The following ROBO2 variants were observed in gnomAD, a reference collection of about 807,000 sequenced individuals.
The protein encoded by ROBO2 is roundabout homolog 2.
A neutral mutation model predicts 160.8 loss-of-function variants in ROBO2; 53 were observed. That is an observed-to-expected ratio of 0.33 (90% CI 0.26 to 0.41). ROBO2 has a LOEUF of 0.41. Among genes scored for constraint, ROBO2 ranks in the 10% least tolerant of loss-of-function variants. ROBO2 has a pLI of 1.00. For synonymous variants in ROBO2, 664 were observed against 611.7 expected (o/e 1.09, Z -1.26); for missense variants, 1,577 against 1,722.4 (o/e 0.92, Z 1.49).
chr3:77,597,307 A>ATAAG (rs1210000650), intron 19 of ROBO2, among the ~76,000 whole-genome samples: 24 of 115,972 alleles, frequency 2.1e-4, no homozygotes, highest in Middle Eastern at 5.1e-3. Flanking sequence ...AAATAAATAA[A>ATAAG]TAAATAAATA....
chr3:77,216,810 T>C (rs970580432), intron 2 of ROBO2, among the ~76,000 whole-genome samples: 5 of 152,242 alleles, frequency 3.3e-5, no homozygotes, highest in South Asian at 2.1e-4. Context: ...TACAAAATAT[T>C]ATTTTGTTTT....
intron 1 of ROBO2, among the ~76,000 whole-genome samples, chr3:75,917,992 A>G (rs1306954825): frequency 6.6e-6 from 1 of 151,984 alleles, no homozygotes; most frequent in African/African-American, 2.4e-5. Flanking sequence ...TTGCCTGTTC[A>G]CTCTGGTGAT....
At chr3:77,562,656 T>C in exon 10 of ROBO2, 1 of 1,611,568 alleles carries the variant, frequency 6.2e-7, no homozygotes, top group East Asian at 2.2e-5. Context: ...ACTAGATTTC[T>C]GATACTGGCA....
Position 76,157,810 on chromosome 3 carries a change from C to T in ROBO2, c.109+220208C>T, listed in dbSNP as rs76872653. ...TTGGTGAAGAATGCCTTGTTCCACT[C>T]TCATAGATTTAACTACCATTTCTAA... On this transcript the variant is annotated intron_variant, in intron 2 of 26. Coordinates refer to the ROBO2 transcript ENST00000487694. Among the ~76,000 whole-genome samples, 18 of 152,254 alleles carry T rather than the reference C, an allele frequency of 1.2e-4. No individual in the cohort carries two copies. In the East Asian group the frequency reaches 3.5e-3, roughly 29 times the overall value.
chr3:77,418,139 T>C (rs2077410551), intron 2 of ROBO2, among the ~76,000 whole-genome samples: 1 of 137,720 alleles, frequency 7.3e-6, no homozygotes, highest in Non-Finnish European at 1.6e-5. Flanking sequence ...CATCCTTATA[T>C]TTTTTTTACC....
At chr3:77,487,454 G>A (rs1427457235) in intron 4 of ROBO2, among the ~76,000 whole-genome samples, 2 of 152,106 alleles carry the variant, frequency 1.3e-5, no homozygotes, top group Non-Finnish European at 2.9e-5. Flanking sequence ...TTACTTCATA[G>A]GATGAATTTT....
chr3:76,765,639 T>C (rs13319762), intron 2 of ROBO2, among the ~76,000 whole-genome samples: 1,739 of 151,788 alleles, frequency 0.011, 29 homozygotes, highest in African/African-American at 0.039. Context: ...CATCTGTAAG[T>C]GCTCCACTTG....
At chr3:76,476,748 G>A (rs1161122334) in intron 2 of ROBO2, among the ~76,000 whole-genome samples, 3 of 151,966 alleles carry the variant, frequency 2.0e-5, no homozygotes, top group Non-Finnish European at 2.9e-5. Flanking sequence ...AATAAACTTC[G>A]GAAATGACCA....
chr3:76,736,852 T>G, intron 2 of ROBO2, among the ~76,000 whole-genome samples: 1 of 152,200 alleles, frequency 6.6e-6, no homozygotes, highest in East Asian at 1.9e-4. Flanking sequence ...AGTAAGAGTT[T>G]AAAACTTACT....
At chr3:76,014,717 C>T (rs114810414) in intron 2 of ROBO2, among the ~76,000 whole-genome samples, 90 of 152,238 alleles carry the variant, frequency 5.9e-4, no homozygotes, top group African/African-American at 2.1e-3. Flanking sequence ...CACTTTAGCC[C>T]AGAAGTTCAA....
intron 2 of ROBO2, among the ~76,000 whole-genome samples, chr3:76,868,676 T>C (rs903016574): frequency 1.3e-5 from 2 of 151,994 alleles, no homozygotes; most frequent in African/African-American, 4.8e-5. Context: ...GGATTAACAA[T>C]AACACAACAG....
chr3:77,531,141 A>T (rs2091694493), intron 6 of ROBO2, among the ~76,000 whole-genome samples: 1 of 152,030 alleles, frequency 6.6e-6, no homozygotes, highest in African/African-American at 2.4e-5. Flanking sequence ...CCTGGAGTAT[A>T]AAACTGAAAG....
intron 2 of ROBO2, among the ~76,000 whole-genome samples, chr3:76,926,041 T>C (rs2076970902): frequency 6.6e-6 from 1 of 152,200 alleles, no homozygotes; most frequent in Admixed American, 6.5e-5. Context: ...GATTTCTGTC[T>C]CAGTCTAATA....
rs574445758 is a variant in ROBO2, at chr3:76,683,448, T to C, written c.110-414566T>C. Among the ~76,000 whole-genome samples the C allele has an allele frequency of 2.5e-5, 3 of 122,132 alleles. No homozygotes were observed. In the South Asian group the frequency reaches 8.2e-4, roughly 33 times the overall value. The allele number at this position is 122,132 out of a possible 152,430, so 80.1% of individuals were successfully genotyped here. ...GATTTGGATGATAAAGTTCTTTTTA[T>C]AAGTAACCCCCACCGAAAAAAAAAA... On this transcript the variant is annotated intron_variant, in intron 2 of 26. Coordinates refer to the ROBO2 transcript ENST00000487694.
intron 19 of ROBO2, 141 bp downstream of exon 20, chr3:77,596,891 G>A: frequency 9.9e-7 from 1 of 1,007,880 alleles, no homozygotes. Flanking sequence ...TGCACTAACA[G>A]TGTTGTACAT....
intron 5 of ROBO2, among the ~76,000 whole-genome samples, chr3:77,503,220 TA>T (rs1281319957): frequency 2.0e-5 from 3 of 151,140 alleles, no homozygotes; most frequent in Non-Finnish European, 4.4e-5. Context: ...AAATATAAAT[TA>T]AAAAAATAAT....
chr3:77,112,267 G>T (rs973191822), intron 2 of ROBO2, among the ~76,000 whole-genome samples: 2 of 150,768 alleles, frequency 1.3e-5, no homozygotes, highest in African/African-American at 4.9e-5. Flanking sequence ...CGCAGGGGCC[G>T]GAGTCTCGCC....
chr3:77,124,811 A>G (rs1160047084), intron 2 of ROBO2, among the ~76,000 whole-genome samples: 1 of 152,038 alleles, frequency 6.6e-6, no homozygotes, highest in African/African-American at 2.4e-5. Context: ...ACAGTTTCCA[A>G]GGTCTTACCC....
intron 2 of ROBO2, among the ~76,000 whole-genome samples, chr3:76,454,660 A>C (rs1485511072): frequency 6.6e-6 from 1 of 152,164 alleles, no homozygotes; most frequent in Non-Finnish European, 1.5e-5. Flanking sequence ...GTGAGGAATT[A>C]ATTAAATGTA....
Sources: gnomAD v4.1 joint callset for allele counts (sites outside exome capture counted in the v4.1 genomes callset) on GRCh38, gnomAD v4.1.1 for gene constraint, MANE v1.5 for transcripts, NCBI Gene and HGNC (gene_info 2026-07-23, HGNC 2026-07-21) for gene names.